MORC2: variants seen among roughly 807,000 people sequenced by gnomAD.
MORC2 encodes the protein ATPase MORC2.
In MORC2, 30 loss-of-function variants were observed where a neutral mutation model predicts 136.0. The ratio of observed to expected loss-of-function variants is 0.22; its 90% CI spans 0.17 to 0.30. MORC2 has a LOEUF of 0.30. Among genes scored for constraint, MORC2 ranks in the 10% least tolerant of loss-of-function variants. MORC2 has a pLI of 1.00. For synonymous variants in MORC2, 439 were observed against 487.0 expected, an observed-to-expected ratio of 0.90 and a Z score of 1.30; for missense variants, 922 against 1,333.1, an observed-to-expected ratio of 0.69 and a Z score of 4.80.
intron 1 of MORC2, among the ~76,000 whole-genome samples, chr22:30,963,906 G>C (rs2041086762): frequency 6.6e-6 from 1 of 152,096 alleles, no homozygotes; most frequent in Non-Finnish European, 1.5e-5. Context: ...TGCCTTAATT[G>C]CTAGAAAATA....
At chr22:30,964,467 T>C (rs1225401134) in intron 1 of MORC2, among the ~76,000 whole-genome samples, 3 of 152,220 alleles carry the variant, frequency 2.0e-5, no homozygotes, top group Non-Finnish European at 2.9e-5. Flanking sequence ...TATCTAAGCA[T>C]CCTGCTCTAT....
Position 30,926,720 on chromosome 22 carries a change from C to G in MORC2, c.*83G>C. The G allele has an allele frequency of 8.6e-7, 1 of 1,167,910 alleles. No homozygotes were observed. The highest frequency in any genetic ancestry group is 1.2e-6 in the Non-Finnish European group (1 of 803,656). The allele number at this position is 1,167,910 out of a possible 1,614,324, so 72.3% of individuals were successfully genotyped here. On this transcript the variant is annotated 3_prime_UTR_variant, in exon 26 of 26. Transcript: ENST00000397641. Reference sequence around the variant, plus strand: ...TGTAAGTCAAACCAAGGTGCGACCACCAACCCATGAATGAAGTCCCCTCCC... The same window carrying G: ...TGTAAGTCAAACCAAGGTGCGACCAGCAACCCATGAATGAAGTCCCCTCCC...
chr22:30,939,900 G>A (rs1053489786), intron 11 of MORC2, 59 bp downstream of exon 11: 1 of 1,549,172 alleles, frequency 6.5e-7, no homozygotes. Context: ...CAGGCTCATG[G>A]GACATGGGCT....
chr22:30,959,915 A>G (rs1014073292), intron 1 of MORC2, among the ~76,000 whole-genome samples: 14 of 152,262 alleles, frequency 9.2e-5, no homozygotes, highest in Non-Finnish European at 1.3e-4. Context: ...CTCTCCAGGA[A>G]TATTGTTTTT....
At position 30,941,337 on chromosome 22, in the gene MORC2, G is replaced by A; in HGVS notation, c.824+96C>T. 6.6e-7 allele frequency: 1 copy of A among 1,512,120 alleles called. No homozygotes were observed. The highest frequency in any genetic ancestry group is 8.9e-7 in the Non-Finnish European group (1 of 1,124,656). 93.7% of individuals were successfully genotyped at this position (1,512,120 alleles called of 1,614,324 possible). On this transcript the variant is annotated intron_variant, in intron 9 of 25. Coordinates refer to ENST00000397641, the MANE Select transcript of MORC2 (RefSeq NM_001303256.3). The surrounding 1 kb of genome is among the most constrained non-coding windows in gnomAD (Gnocchi z 4.6). ...CCCAAACGTAGTCAGCACTGCCAGA[G>A]CCTCTTATACAGCATCCCTCTAACA...
At chr22:30,939,540 G>T in intron 12 of MORC2, 81 bp downstream of exon 12, 2 of 1,360,572 alleles carry the variant, frequency 1.5e-6, no homozygotes, top group Non-Finnish European at 2.1e-6. Flanking sequence ...AAGCAGTCTT[G>T]GTGACAGAAT....
intron 17 of MORC2, among the ~76,000 whole-genome samples, chr22:30,936,176 G>C (rs1485320236): frequency 6.6e-6 from 1 of 152,156 alleles, no homozygotes; most frequent in African/African-American, 2.4e-5. Flanking sequence ...GTATTCATGA[G>C]TTCATGACAA....
At position 30,933,048 on chromosome 22, in the gene MORC2, G is replaced by A. The variant is rs1047351325; in HGVS notation, c.2381-18C>T. The A allele has an allele frequency of 1.9e-6, 3 of 1,613,028 alleles. No homozygotes were observed. The highest frequency in any genetic ancestry group is 2.7e-5 in the African/African-American group (2 of 74,914). ...CCCTTTATCTGACAATGTAGACAGA[G>A]GTGCGAGTCAGAAAACTAGCGTAGA... On this transcript the variant is annotated intron_variant, in intron 21 of 25. Transcript: ENST00000397641.
Position 30,939,705 on chromosome 22 carries a change from A to G in MORC2, c.989T>C (p.Val330Ala). 1 of 1,613,748 alleles carries G rather than the reference A, an allele frequency of 6.2e-7. No individual in the cohort carries two copies. The highest frequency in any genetic ancestry group is 8.5e-7 in the Non-Finnish European group (1 of 1,179,930). ...LGGDLTRDSR[V>A]MLRQVQNRAI... Reference sequence around the variant, plus strand: ...TCTGTTCTGGACCTGTCGCAACATCACCTGCACACATTGACATCAGGTGAG... The same window carrying G: ...TCTGTTCTGGACCTGTCGCAACATCGCCTGCACACATTGACATCAGGTGAG... Residue 330 changes from valine (V) to alanine (A), a missense_variant and splice_region_variant, in exon 12 of 26, where the codon GTG becomes GCG. Val to Ala is a moderately conservative substitution (Grantham distance 64). This residue lies in a region of MORC2 where 261 missense variants were observed against 354.3 expected (regional missense o/e 0.74). Coordinates refer to ENST00000397641, the MANE Select transcript of MORC2 (RefSeq NM_001303256.3).
intron 3 of MORC2, 141 bp downstream of exon 3, chr22:30,956,622 C>T: frequency 1.4e-6 from 1 of 694,196 alleles, no homozygotes; most frequent in Non-Finnish European, 2.4e-6. Context: ...TACGGCTGCC[C>T]CTTTTCTACC....
chr22:30,935,401 C>G (rs1180749980), intron 17 of MORC2, 79 bp from the exon 18 acceptor site: 1 of 1,392,984 alleles, frequency 7.2e-7, no homozygotes, highest in South Asian at 1.2e-5. Flanking sequence ...TGTCTGGAAC[C>G]AGGGACAAAA....
At chr22:30,933,161 C>T in intron 21 of MORC2, 131 bp from the exon 22 acceptor site, 1 of 1,322,160 alleles carries the variant, frequency 7.6e-7, no homozygotes, top group Non-Finnish European at 1.0e-6. Flanking sequence ...CCCACTACAC[C>T]AGGGACACAG....
chr22:30,928,284 T>C (rs2040521310), intron 24 of MORC2, 77 bp from the exon 25 acceptor site: 1 of 1,438,950 alleles, frequency 6.9e-7, no homozygotes, highest in African/African-American at 1.4e-5. Context: ...GACACGGGTG[T>C]CTCCAGCCCG....
At chr22:30,933,633 A>G in intron 20 of MORC2, 113 bp from the exon 21 acceptor site, 1 of 1,061,180 alleles carries the variant, frequency 9.4e-7, no homozygotes, top group Admixed American at 1.9e-5. Flanking sequence ...CCTGTGCTAC[A>G]GTTTAAATCA....
chr22:30,933,053 G>C (rs373387546), intron 21 of MORC2, 23 bp from the exon 22 acceptor site: 103 of 1,612,662 alleles, frequency 6.4e-5, no homozygotes, highest in Non-Finnish European at 8.6e-5. Flanking sequence ...ACAGAGGTGC[G>C]AGTCAGAAAA....
Position 30,958,701 on chromosome 22 carries a change from T to C in MORC2, c.69-7A>G, listed in dbSNP as rs1425735627. On this transcript the variant is annotated splice_polypyrimidine_tract_variant and splice_region_variant and intron_variant, in intron 1 of 25. Transcript: ENST00000397641. Reference sequence around the variant, plus strand: ...CAAGAATTCGTGAGTGGTTCTGAAATGATAAATACTAAAAGTCAGCAAAAG... The same window carrying C: ...CAAGAATTCGTGAGTGGTTCTGAAACGATAAATACTAAAAGTCAGCAAAAG... 2.6e-6 allele frequency: 4 copies of C among 1,540,950 alleles called. No individual in the cohort carries two copies. The highest frequency in any genetic ancestry group is 3.5e-6 in the Non-Finnish European group (4 of 1,138,858).
chr22:30,935,313 G>T lies in MORC2; in HGVS notation c.1747C>A (p.Pro583Thr), dbSNP rs770774096. The T allele has an allele frequency of 2.2e-5, 35 of 1,613,588 alleles. No homozygotes were observed. The Middle Eastern group carries it at 4.9e-4, about 23-fold the overall frequency. ...TTCAGGTCTGCTTGGGAGCGGATGG[G>T]TGTGGTTTTCTGCAAGGCAAACATC... ...EKLEALQKTT[P>T]IRSQADLKKL... Residue 583 changes from proline to threonine, a missense_variant, in exon 18 of 26, where the codon CCC (proline) becomes ACC (threonine). Pro to Thr is a conservative substitution (Grantham distance 38). Transcript: ENST00000397641.
chr22:30,938,473 G>A (rs1191771091), intron 12 of MORC2, among the ~76,000 whole-genome samples: 1 of 152,088 alleles, frequency 6.6e-6, no homozygotes, highest in African/African-American at 2.4e-5. Context: ...TGTTTATTAC[G>A]AAGCTGCTGC....
intron 11 of MORC2, 103 bp downstream of exon 11, chr22:30,939,856 T>C (rs1231454431): frequency 3.2e-5 from 44 of 1,386,370 alleles, no homozygotes; most frequent in Non-Finnish European, 4.1e-5. Context: ...CAGCCCTCAC[T>C]GGGGACAAAC....
Sources: allele counts gnomAD v4.1 joint callset (sites outside exome capture counted in the v4.1 genomes callset), GRCh38; gene constraint gnomAD v4.1.1; regional missense constraint gnomAD v4.1.1; non-coding constraint Gnocchi (gnomAD v3.1); transcripts MANE v1.5; gene names NCBI Gene and HGNC (gene_info 2026-07-23, HGNC 2026-07-21).